The following ECE2 variants were observed in gnomAD, a reference collection of about 807,000 sequenced individuals.
ECE2 encodes the protein endothelin-converting enzyme 2.
A neutral mutation model predicts 100.6 loss-of-function variants in ECE2; 81 were observed. The ratio of observed to expected loss-of-function variants is 0.81; its 90% confidence interval spans 0.67 to 0.97. The LOEUF is 0.97. Among genes scored for constraint, ECE2 ranks in the 50% least tolerant of loss-of-function variants. The probability of loss-of-function intolerance (pLI) is 0.00; values close to 1 mark genes in which losing one functional copy is unlikely to be tolerated. For missense variants in ECE2, 911 were observed against 988.1 expected, an observed-to-expected ratio of 0.92 and a Z score of 1.05; for synonymous variants, 391 against 391.5, an observed-to-expected ratio of 1.00 and a Z score of 0.02.
intron 11 of ECE2, among the ~76,000 whole-genome samples, chr3:184,288,235 A>G (rs968808126): frequency 3.4e-5 from 5 of 145,256 alleles, no homozygotes; most frequent in Non-Finnish European, 6.0e-5. Context: ...ACTTGAACCC[A>G]GGAGGCGGAG....
chr3:184,285,339 G>A (rs1427824550), intron 9 of ECE2, 139 bp from the exon 10 acceptor site: 7 of 899,332 alleles, frequency 7.8e-6, no homozygotes, highest in Non-Finnish European at 8.5e-6. Context: ...GTGTGGCCCC[G>A]GGACCAAAGA....
Position 184,285,569 on chromosome 3 carries a change from G to A in ECE2, c.1240G>A (p.Glu414Lys). ...RFESAQEKLL[E>K]TLYGTKKSCV... ...TGAGTCTGCACAAGAGAAGCTGCTGGAGACCCTCTATGGCACTAAGAAGGT... is the reference window on the plus strand; with the variant it reads ...TGAGTCTGCACAAGAGAAGCTGCTGAAGACCCTCTATGGCACTAAGAAGGT... Residue 414 changes from glutamate to lysine, a missense_variant, in exon 10 of 19, where the codon GAG (glutamate) becomes AAG (lysine). Transcript: ENST00000404464. The A allele has an allele frequency of 3.1e-6, 5 of 1,614,102 alleles. No individual in the cohort carries two copies. Among genetic ancestry groups the A allele is most frequent in the Non-Finnish European group, 4.2e-6 (5 of 1,179,966 alleles).
chr3:184,281,318 G>A (rs1234645497), intron 7 of ECE2, among the ~76,000 whole-genome samples: 1 of 152,186 alleles, frequency 6.6e-6, no homozygotes, highest in African/African-American at 2.4e-5. Flanking sequence ...GAAGCATAGG[G>A]TTCTGAGAGC....
chr3:184,281,566 G>A (rs140562261), intron 7 of ECE2, among the ~76,000 whole-genome samples: 141 of 152,332 alleles, frequency 9.3e-4, no homozygotes, highest in African/African-American at 3.2e-3. Flanking sequence ...GATTCATCCC[G>A]AAAGAAATGG....
chr3:184,286,908 T>C (rs1437515840), intron 10 of ECE2, among the ~76,000 whole-genome samples: 1 of 150,322 alleles, frequency 6.7e-6, no homozygotes, highest in Non-Finnish European at 1.5e-5. Flanking sequence ...GAGTTCAAGA[T>C]GATAGTGTTA....
intron 10 of ECE2, among the ~76,000 whole-genome samples, chr3:184,286,396 G>T (rs1397239359): frequency 6.6e-6 from 1 of 152,162 alleles, no homozygotes; most frequent in Non-Finnish European, 1.5e-5. Flanking sequence ...GTAGCATGGA[G>T]AGGAGAAACA....
At chr3:184,276,343 C>T in intron 1 of ECE2, 138 bp from the exon 2 acceptor site, 1 of 1,397,496 alleles carries the variant, frequency 7.2e-7, no homozygotes, top group Non-Finnish European at 9.7e-7. Flanking sequence ...ACCCCGGGCC[C>T]GAGAGCAGGG....
intron 14 of ECE2, 47 bp downstream of exon 14, chr3:184,290,405 T>C: frequency 2.5e-6 from 4 of 1,586,938 alleles, no homozygotes; most frequent in Middle Eastern, 1.7e-4. Flanking sequence ...GCAGGAGAGG[T>C]GGGGGAAGGT....
rs112655288 is a variant in ECE2 at position 184,285,537 on chromosome 3, G to C, written c.1208G>C (p.Arg403Pro). The C allele has an allele frequency of 6.2e-7, 1 of 1,614,070 alleles. No homozygotes were observed. The highest frequency in any genetic ancestry group is 8.5e-7 in the Non-Finnish European group (1 of 1,180,052). The change falls in exon 10 of 19, where the codon CGA (arginine) becomes CCA (proline). Residue 403 changes from arginine to proline, a missense_variant. Physicochemically the swap from Arg to Pro is moderately radical, Grantham distance 103 (BLOSUM62 -2). Transcript: ENST00000404464. ...CAAAAGACAACCTCAAGCCTGGACC[G>C]ACGCTTTGAGTCTGCACAAGAGAAG... ...LVQKTTSSLD[R>P]RFESAQEKLL...
chr3:184,284,930 G>T (rs377554844), intron 8 of ECE2, 33 bp from the exon 9 acceptor site: 3 of 1,605,130 alleles, frequency 1.9e-6, no homozygotes, highest in African/African-American at 2.7e-5. Flanking sequence ...GAAGCGAGTC[G>T]GGCAGGCAAG....
chr3:184,291,964 A>T lies in ECE2; in HGVS notation c.2122-98A>T, dbSNP rs1721345447. The T allele has an allele frequency of 1.4e-6, 2 of 1,391,284 alleles. No homozygotes were observed. Among genetic ancestry groups the T allele is most frequent in the Non-Finnish European group, 2.0e-6 (2 of 1,015,468 alleles). 86.2% of individuals were successfully genotyped at this position (1,391,284 alleles called of 1,614,324 possible). Reference sequence around the variant, plus strand: ...TTGGAAGGAACTTGGGAGGGGCTGCAGCGGTGGTGGTTTGTGCCCCTGGGA... The same window carrying T: ...TTGGAAGGAACTTGGGAGGGGCTGCTGCGGTGGTGGTTTGTGCCCCTGGGA... On this transcript the variant is annotated intron_variant, in intron 18 of 18. Transcript: ENST00000404464. This position sits in a 1 kb window ranked among gnomAD's most constrained non-coding sequence, Gnocchi z 4.1.
intron 5 of ECE2, 45 bp downstream of exon 5, chr3:184,278,094 T>C: frequency 6.2e-7 from 1 of 1,613,414 alleles, no homozygotes; most frequent in Non-Finnish European, 8.5e-7. Context: ...AGGAGAGGCC[T>C]TGAGAGAGGA....
In ECE2 at chr3:184,277,355, T is replaced by TTC. The variant is rs1560180801; in HGVS notation, c.370_371dup (p.Cys125ProfsTer32). 61 of 1,614,258 alleles carry TTC rather than the reference T, an allele frequency of 3.8e-5. No homozygotes were observed. The highest frequency in any genetic ancestry group is 5.2e-5 in the Non-Finnish European group (61 of 1,180,046). ...GAGCCCCTGTGAGGACTTTTACCAG[T>TTC]TCTCCTGTGGGGGCTGGATTCGGAG... is the stretch of plus-strand genomic sequence containing the variant. On this transcript the variant is annotated frameshift_variant, in exon 4 of 19. Transcript: ENST00000404464. LOFTEE classifies it high-confidence loss of function.
At chr3:184,277,193 C>T (rs764998482) in intron 3 of ECE2, 58 bp from the exon 4 acceptor site, 3 of 1,610,514 alleles carry the variant, frequency 1.9e-6, no homozygotes, top group Admixed American at 1.7e-5. Flanking sequence ...CAGAGTTTGC[C>T]TCTTCCAGAC....
At position 184,289,023 on chromosome 3, in the gene ECE2, C is replaced by T. The variant is rs540490435; in HGVS notation, c.1375-414C>T. 2.5e-4 allele frequency among the ~76,000 whole-genome samples: 38 copies of T among 151,982 alleles called. No homozygotes were observed. Among genetic ancestry groups the T allele is most frequent in the Non-Finnish European group, 5.0e-4 (34 of 67,992 alleles). On this transcript the variant is annotated intron_variant, in intron 11 of 18. Coordinates refer to ENST00000404464, the MANE Select transcript of ECE2 (RefSeq NM_001100121.2). The surrounding 1 kb of genome is among the most constrained non-coding windows in gnomAD (Gnocchi z 4.1). Reference sequence around the variant, plus strand: ...TACAAAAATTACCCGGGCATGATGGCGGGAGCCTGTAATCCTAGCTACTTG... The same window carrying T: ...TACAAAAATTACCCGGGCATGATGGTGGGAGCCTGTAATCCTAGCTACTTG...
rs765638960 is a variant in ECE2 at position 184,289,626 on chromosome 3, A to C, written c.1474-15A>C. ...ACCTGGGGAAGGAAACAAACCCTTA[A>C]CCTGGTCTCTTCAGGCAGATGCCAT... On this transcript the variant is annotated splice_polypyrimidine_tract_variant and intron_variant, in intron 12 of 18. Transcript: ENST00000404464. The surrounding 1 kb of genome is among the most constrained non-coding windows in gnomAD (Gnocchi z 4.1). The C allele has an allele frequency of 9.3e-6, 15 of 1,613,614 alleles. No individual in the cohort carries two copies. The East Asian group carries it at 3.3e-4, about 36-fold the overall frequency.
rs941915702 is a variant in ECE2, at chr3:184,290,487, G to A, written c.1656-70G>A. 5.7e-6 allele frequency: 9 copies of A among 1,571,042 alleles called. No homozygotes were observed. In the South Asian group the frequency reaches 8.9e-5, roughly 16 times the overall value. On this transcript the variant is annotated intron_variant, in intron 14 of 18. Coordinates refer to ENST00000404464, the MANE Select transcript of ECE2 (RefSeq NM_001100121.2). ...GCCCCATACCCTTGCAGGAGGTAGG[G>A]CAGGGCTGTTGGGAGGGGAGCAGTG...
In ECE2 at chr3:184,276,438, C is replaced by T; in HGVS notation, c.40-43C>T. On this transcript the variant is annotated intron_variant, in intron 1 of 18. Transcript: ENST00000404464. ...TGGGGCAGGGTCGTGGGCAAATAGCCCTCTCTGCCTGACCTCGGTTGGCAA... is the reference window on the plus strand; with the variant it reads ...TGGGGCAGGGTCGTGGGCAAATAGCTCTCTCTGCCTGACCTCGGTTGGCAA... 2.5e-6 allele frequency: 4 copies of T among 1,575,656 alleles called. No individual in the cohort carries two copies. In the Admixed American group the frequency reaches 5.6e-5, roughly 22 times the overall value.
At chr3:184,278,426 G>T (rs1176632553) in intron 6 of ECE2, 66 bp from the exon 7 acceptor site, 2 of 1,580,820 alleles carry the variant, frequency 1.3e-6, no homozygotes, top group Admixed American at 1.7e-5. Flanking sequence ...CCCTACCCCC[G>T]CTCGGGAATT....
Sources: gnomAD v4.1 joint callset for allele counts (sites outside exome capture counted in the v4.1 genomes callset) on GRCh38, gnomAD v4.1.1 for gene constraint, Gnocchi (gnomAD v3.1) non-coding constraint, MANE v1.5 for transcripts, NCBI Gene and HGNC (gene_info 2026-07-23, HGNC 2026-07-21) for gene names.